CFAP47: variants seen among roughly 807,000 people sequenced by gnomAD.
CFAP47 encodes cilia- and flagella-associated protein 47.
A neutral mutation model predicts 148.1 loss-of-function variants in CFAP47; 29 were observed. The observed-to-expected ratio is 0.20, with a 90% CI of 0.15 to 0.27. The LOEUF is 0.27. Ranked by LOEUF, CFAP47 falls within the 10% of genes least tolerant of loss-of-function variation. The pLI, the probability that CFAP47 is intolerant of heterozygous loss-of-function variation, is 1.00. For missense variants in CFAP47, 1,872 were observed against 1,697.5 expected (o/e 1.10, Z -1.81); for synonymous variants, 664 against 577.3 (o/e 1.15, Z -2.15).
intron 22 of CFAP47, among the ~76,000 whole-genome samples, chrX:36,016,347 G>A (rs1937095669): frequency 9.1e-6 from 1 of 109,423 alleles, no homozygotes; most frequent in African/African-American, 3.3e-5. Context: ...TCTGCTCTCT[G>A]TCTCCATGAG....
chrX:36,054,917 C>T (rs372346132), intron 26 of CFAP47, among the ~76,000 whole-genome samples: 12 of 109,243 alleles, frequency 1.1e-4, no homozygotes, highest in Admixed American at 9.9e-4. Flanking sequence ...GGACTACAGG[C>T]GCCCGCCACC....
At chrX:35,990,963 G>T (rs1936782698) in intron 16 of CFAP47, among the ~76,000 whole-genome samples, 1 of 111,277 alleles carries the variant, frequency 9.0e-6, no homozygotes, top group African/African-American at 3.3e-5. Context: ...GAGGAGAATT[G>T]ACTTTACTTC....
intron 21 of CFAP47, among the ~76,000 whole-genome samples, chrX:36,013,141 C>A (rs1937058173): frequency 1.8e-5 from 2 of 111,862 alleles, no homozygotes; most frequent in Non-Finnish European, 3.8e-5. Flanking sequence ...CTGAAGCCAA[C>A]CTTTTTAGTT....
chrX:36,012,007 C>A (rs1459715878), intron 21 of CFAP47, among the ~76,000 whole-genome samples: 1 of 111,179 alleles, frequency 9.0e-6, no homozygotes, highest in East Asian at 2.8e-4. Context: ...AGTTTTTAAT[C>A]CATCAAAAGA....
At chrX:36,149,533 A>C (rs1205267780) in intron 37 of CFAP47, among the ~76,000 whole-genome samples, 1 of 110,402 alleles carries the variant, frequency 9.1e-6, no homozygotes, top group Non-Finnish European at 1.9e-5. Context: ...CAGGAAACTG[A>C]AACCAGTGCA....
At chrX:36,040,612 T>A (rs1452872427) in intron 25 of CFAP47, among the ~76,000 whole-genome samples, 1 of 111,332 alleles carries the variant, frequency 9.0e-6, no homozygotes, top group Admixed American at 9.6e-5. Context: ...TCTCCAAAAA[T>A]AAATATAATA....
chrX:36,066,304 T>G (rs1937639378), intron 27 of CFAP47, among the ~76,000 whole-genome samples: 1 of 110,335 alleles, frequency 9.1e-6, no homozygotes, highest in Non-Finnish European at 1.9e-5. Context: ...ATCGTCAAGG[T>G]CTTAATTTTC....
At chrX:36,344,229 A>AT (rs1165019399) in intron 57 of CFAP47, among the ~76,000 whole-genome samples, 2 of 98,821 alleles carry the variant, frequency 2.0e-5, no homozygotes, top group African/African-American at 8.5e-5. Context: ...TTAAAGTATA[A>AT]TAAAAAAAAG....
intron 1 of CFAP47, among the ~76,000 whole-genome samples, chrX:35,924,356 T>C (rs752876596): frequency 2.0e-5 from 2 of 101,580 alleles, no homozygotes; most frequent in Admixed American, 2.0e-4. Flanking sequence ...TGCATATGTG[T>C]ATATATGTAT....
intron 30 of CFAP47, among the ~76,000 whole-genome samples, chrX:36,086,244 C>A (rs1386912629): frequency 1.8e-5 from 2 of 112,135 alleles, no homozygotes; most frequent in Non-Finnish European, 3.8e-5. Flanking sequence ...GAGAAGAGTA[C>A]TGGTGAATTT....
At chrX:36,087,731 G>A (rs73470943) in intron 30 of CFAP47, among the ~76,000 whole-genome samples, 2,922 of 111,914 alleles carry the variant, frequency 0.026, 94 homozygotes, top group African/African-American at 0.09. Flanking sequence ...TATAAGGAAT[G>A]AAACATGGAA....
chrX:36,241,329 C>T (rs1187917769), intron 48 of CFAP47, among the ~76,000 whole-genome samples: 16 of 111,650 alleles, frequency 1.4e-4, no homozygotes, highest in African/African-American at 5.2e-4. Flanking sequence ...AGTGTCCAGG[C>T]CCCAGGGATC....
intron 39 of CFAP47, among the ~76,000 whole-genome samples, chrX:36,175,849 C>T (rs1939667578): frequency 1.8e-5 from 2 of 113,666 alleles, no homozygotes; most frequent in Admixed American, 1.8e-4. Context: ...TTCCAGGCTG[C>T]TTTGTTTACC....
intron 25 of CFAP47, 107 bp from the exon 26 acceptor site, chrX:36,046,747 T>C (rs1937471449): frequency 2.1e-6 from 1 of 482,061 alleles, no homozygotes; most frequent in Non-Finnish European, 3.4e-6. Flanking sequence ...ATTACAAATA[T>C]TTCTTATTTT....
chrX:36,283,994 T>G (rs1556004071), intron 50 of CFAP47, among the ~76,000 whole-genome samples: 1 of 112,151 alleles, frequency 8.9e-6, no homozygotes, highest in Non-Finnish European at 1.9e-5. Context: ...CAGTGTGGGT[T>G]AAAATATTGG....
Position 36,002,038 on chromosome X carries a change from A to G in CFAP47, c.3417+331A>G, listed in dbSNP as rs1936921361. ...CTTTGTACTTATATTTGAGTGGTGTATGCTCTGTGAACCACTACCTGAAAT... is the reference window on the plus strand; with the variant it reads ...CTTTGTACTTATATTTGAGTGGTGTGTGCTCTGTGAACCACTACCTGAAAT... On this transcript the variant is annotated intron_variant, in intron 21 of 63. Transcript: ENST00000378653. Among the ~76,000 whole-genome samples, 3 of 111,872 alleles carry G rather than the reference A, an allele frequency of 2.7e-5. No homozygotes were observed. The South Asian group carries it at 1.1e-3, about 42-fold the overall frequency.
At chrX:36,382,304 A>G (rs1942084973) in intron 63 of CFAP47, among the ~76,000 whole-genome samples, 1 of 111,643 alleles carries the variant, frequency 9.0e-6, no homozygotes, top group Non-Finnish European at 1.9e-5. Flanking sequence ...TTACATATAC[A>G]GTAACCGCCA....
chrX:36,162,079 G>T (rs1280848578), intron 39 of CFAP47, among the ~76,000 whole-genome samples: 1 of 112,165 alleles, frequency 8.9e-6, no homozygotes, highest in Non-Finnish European at 1.9e-5. Flanking sequence ...AAAGCAGAAA[G>T]AAAATCTGGA....
chrX:36,093,339 T>C (rs1040222975), intron 30 of CFAP47, among the ~76,000 whole-genome samples: 1 of 111,587 alleles, frequency 9.0e-6, no homozygotes. Flanking sequence ...TCCAAACTTT[T>C]CTCTGGAATG....
Sources: gnomAD v4.1 joint callset for allele counts (sites outside exome capture counted in the v4.1 genomes callset) on GRCh38, gnomAD v4.1.1 for gene constraint, MANE v1.5 for transcripts, NCBI Gene and HGNC (gene_info 2026-07-23, HGNC 2026-07-21) for gene names.